Variants in PITPNB observed in about 807,000 individuals in gnomAD.
The protein encoded by PITPNB is phosphatidylinositol transfer protein beta isoform.
Under a neutral mutation model 45.9 loss-of-function variants are expected in PITPNB, and 16 were observed. The observed-to-expected ratio is 0.35, with a 90% CI of 0.24 to 0.53. The LOEUF is 0.53. Among genes scored for constraint, PITPNB ranks in the 20% least tolerant of loss-of-function variants. The pLI is 0.93. For synonymous variants in PITPNB, 112 were observed against 108.9 expected, an observed-to-expected ratio of 1.03 and a Z score of -0.18; for missense variants, 188 against 330.5, an observed-to-expected ratio of 0.57 and a Z score of 3.34.
chr22:27,860,240 T>C lies in PITPNB; in HGVS notation c.536A>G (p.Lys179Arg). 1 of 1,575,360 alleles carries C rather than the reference T, an allele frequency of 6.3e-7. No individual in the cohort carries two copies. The highest frequency in any genetic ancestry group is 8.6e-7 in the Non-Finnish European group (1 of 1,156,142). The change falls in exon 9 of 12, where the codon AAG (lysine) becomes AGG (arginine). Residue 179 changes from lysine to arginine, a missense_variant and splice_region_variant. Coordinates refer to ENST00000335272, the MANE Select transcript of PITPNB (RefSeq NM_012399.5). ...KRGPLGPNWK[K>R]ELANSPDCPQ... ...ACAGTCAGGGCTGTTTGCCAGCTCC[T>C]TCTAGATGAGAAAAATTGAAAAGGA... is the stretch of plus-strand genomic sequence containing the variant.
rs58288724 is a variant in PITPNB, at chr22:27,872,081, GTTTTTTTTTTT to G, written c.534+1646_534+1656del. On this transcript the variant is annotated intron_variant, in intron 8 of 11. Coordinates refer to ENST00000335272, the MANE Select transcript of PITPNB (RefSeq NM_012399.5). ...CAGAACCGTGAGCCAATTAAGCCTG[GTTTTTTTTTTT>G]TTTTTTTTTTTTTTTTTTTGGGACG... Among the ~76,000 whole-genome samples the G allele has an allele frequency of 4.8e-4, 31 of 64,434 alleles. No homozygotes were observed. The East Asian group carries it at 9.0e-3, about 19-fold the overall frequency. The allele number at this position is 64,434 out of a possible 152,430, so 42.3% of individuals were successfully genotyped here.
intron 7 of PITPNB, among the ~76,000 whole-genome samples, chr22:27,892,111 A>G (rs1226799983): frequency 6.6e-6 from 1 of 152,138 alleles, no homozygotes; most frequent in African/African-American, 2.4e-5. Flanking sequence ...CACCATTTTC[A>G]CACAGAGAAC....
chr22:27,862,909 C>A (rs1015629464), intron 8 of PITPNB, among the ~76,000 whole-genome samples: 1 of 152,198 alleles, frequency 6.6e-6, no homozygotes, highest in African/African-American at 2.4e-5. Flanking sequence ...GCTCTGCAGG[C>A]CCCTGGCACT....
chr22:27,853,974 TG>T (rs1355635053), intron 11 of PITPNB, among the ~76,000 whole-genome samples: 1 of 151,942 alleles, frequency 6.6e-6, no homozygotes, highest in African/African-American at 2.4e-5. Flanking sequence ...TAAAAGTGTT[TG>T]GGGGGAATCT....
chr22:27,871,238 G>C (rs1183135230), intron 8 of PITPNB, among the ~76,000 whole-genome samples: 1 of 152,218 alleles, frequency 6.6e-6, no homozygotes, highest in Non-Finnish European at 1.5e-5. Flanking sequence ...ATCAGTACAA[G>C]TCATAGTATC....
At position 27,919,197 on chromosome 22, in the gene PITPNB, C is replaced by T; in HGVS notation, c.-6G>A. 6.2e-7 allele frequency: 1 copy of T among 1,613,406 alleles called. No individual in the cohort carries two copies. Among genetic ancestry groups the T allele is most frequent in the Non-Finnish European group, 8.5e-7 (1 of 1,179,550 alleles). ...AATTCCTTGATCAGCACCATCTTCC[C>T]GGAACCCCCTCACAGCTGCCGCCGA... is the stretch of plus-strand genomic sequence containing the variant. On this transcript the variant is annotated 5_prime_UTR_variant, in exon 1 of 12. Transcript: ENST00000335272.
At chr22:27,876,041 A>G (rs1001837549) in intron 7 of PITPNB, among the ~76,000 whole-genome samples, 5 of 152,212 alleles carry the variant, frequency 3.3e-5, no homozygotes, top group Admixed American at 2.6e-4. Flanking sequence ...TCATAGAAGT[A>G]AAGTGAACCT....
intron 7 of PITPNB, among the ~76,000 whole-genome samples, chr22:27,888,863 G>A (rs1935196608): frequency 6.6e-6 from 1 of 152,212 alleles, no homozygotes; most frequent in South Asian, 2.1e-4. Context: ...AGTGTGAGGA[G>A]AGGAAGAGAA....
At chr22:27,869,628 C>T (rs1254642427) in intron 8 of PITPNB, among the ~76,000 whole-genome samples, 1 of 152,106 alleles carries the variant, frequency 6.6e-6, no homozygotes, top group East Asian at 1.9e-4. Flanking sequence ...ACTCTGAATA[C>T]TAGACAGATA....
At chr22:27,914,932 T>C (rs1350999035) in intron 1 of PITPNB, among the ~76,000 whole-genome samples, 2 of 152,218 alleles carry the variant, frequency 1.3e-5, no homozygotes, top group Non-Finnish European at 2.9e-5. Context: ...TTCCAGCATA[T>C]ATACAATATA....
chr22:27,903,329 C>T (rs1935656746), intron 3 of PITPNB, among the ~76,000 whole-genome samples: 1 of 151,626 alleles, frequency 6.6e-6, no homozygotes, highest in Non-Finnish European at 1.5e-5. Flanking sequence ...ATTAGCCAGG[C>T]GTGGTGGTGC....
At chr22:27,889,914 C>T (rs1156881011) in intron 7 of PITPNB, among the ~76,000 whole-genome samples, 1 of 152,208 alleles carries the variant, frequency 6.6e-6, no homozygotes, top group Non-Finnish European at 1.5e-5. Context: ...ATGAAATGAA[C>T]TAATTAACTT....
chr22:27,915,299 A>G (rs1936044382), intron 1 of PITPNB, among the ~76,000 whole-genome samples: 1 of 151,842 alleles, frequency 6.6e-6, no homozygotes, highest in African/African-American at 2.4e-5. Flanking sequence ...CCTCATTCCA[A>G]TTTCTTTTCA....
rs941041887 is a variant in PITPNB, at chr22:27,854,410, C to T, written c.*38+444G>A. Among the ~76,000 whole-genome samples the T allele has an allele frequency of 4.9e-4, 74 of 152,264 alleles. 1 individual carries two copies. Among genetic ancestry groups the T allele is most frequent in the Admixed American group, 4.2e-3 (64 of 15,304 alleles). On this transcript the variant is annotated intron_variant, in intron 11 of 11. Coordinates refer to ENST00000335272, the MANE Select transcript of PITPNB (RefSeq NM_012399.5). ...ATATCAAGGAAGACTTTCTGGTGCA[C>T]AGAAAATATTGCAGCCAAAATAAAT... is the stretch of plus-strand genomic sequence containing the variant.
chr22:27,879,617 T>C (rs563341717), intron 7 of PITPNB, among the ~76,000 whole-genome samples: 1 of 152,316 alleles, frequency 6.6e-6, no homozygotes, highest in East Asian at 1.9e-4. Context: ...TATTTCAAAC[T>C]CTACTACCAA....
At chr22:27,864,786 A>G (rs994936636) in intron 8 of PITPNB, among the ~76,000 whole-genome samples, 1 of 152,088 alleles carries the variant, frequency 6.6e-6, no homozygotes, top group Non-Finnish European at 1.5e-5. Flanking sequence ...AAAGATACAA[A>G]AATTAGCTGG....
In PITPNB at chr22:27,894,646, T is replaced by C. The variant is rs1249819401; in HGVS notation, c.373-8A>G. 6 of 1,535,228 alleles carry C rather than the reference T, an allele frequency of 3.9e-6. No individual in the cohort carries two copies. Among genetic ancestry groups the C allele is most frequent in the Non-Finnish European group, 5.4e-6 (6 of 1,111,040 alleles). ...TGGATCTAAACCATGTACCTACCAA[T>C]GACAAAGAGAAAAGAAACAAAACAA... On this transcript the variant is annotated splice_polypyrimidine_tract_variant and splice_region_variant and intron_variant, in intron 6 of 11. Coordinates refer to ENST00000335272, the MANE Select transcript of PITPNB (RefSeq NM_012399.5).
intron 10 of PITPNB, 144 bp downstream of exon 10, chr22:27,858,243 G>A: frequency 1.5e-6 from 1 of 658,902 alleles, no homozygotes; most frequent in Non-Finnish European, 2.6e-6. Flanking sequence ...CAGTGTCTAA[G>A]AAACTCCATT....
At chr22:27,854,592 T>A (rs979866730) in intron 11 of PITPNB, among the ~76,000 whole-genome samples, 127 of 152,338 alleles carry the variant, frequency 8.3e-4, no homozygotes, top group African/African-American at 2.9e-3. Context: ...ATGTGCTACA[T>A]GATGAGTAAC....
Sources: allele counts gnomAD v4.1 joint callset (sites outside exome capture counted in the v4.1 genomes callset), GRCh38; gene constraint gnomAD v4.1.1; transcripts MANE v1.5; gene names NCBI Gene and HGNC (gene_info 2026-07-23, HGNC 2026-07-21).